Variants in CLIP4 observed in about 807,000 individuals in gnomAD.
CLIP4 encodes the protein CAP-Gly domain containing linker protein family member 4.
CLIP4 carries 47 observed loss-of-function variants against 73.1 expected under a neutral mutation model. The ratio of observed to expected loss-of-function variants is 0.64; its 90% CI spans 0.51 to 0.82. The LOEUF (loss-of-function observed/expected upper bound fraction) is 0.82, where lower values mean the gene tolerates loss of function less well. Ranked by LOEUF, CLIP4 falls within the 40% of genes least tolerant of loss-of-function variation. The probability of loss-of-function intolerance (pLI) is 0.00; values close to 1 mark genes in which losing one functional copy is unlikely to be tolerated. For synonymous variants in CLIP4, 306 were observed against 295.4 expected (o/e 1.04, Z -0.37); for missense variants, 874 against 852.9 (o/e 1.02, Z -0.31).
At chr2:29,154,798 A>G (rs1666809488) in intron 9 of CLIP4, among the ~76,000 whole-genome samples, 1 of 152,168 alleles carries the variant, frequency 6.6e-6, no homozygotes, top group Non-Finnish European at 1.5e-5. Context: ...TGCACAGCAC[A>G]TGAGACAAAT....
chr2:29,134,352 A>G (rs1169867600), intron 5 of CLIP4, among the ~76,000 whole-genome samples: 1 of 151,970 alleles, frequency 6.6e-6, no homozygotes, highest in Non-Finnish European at 1.5e-5. Flanking sequence ...TTGGGGCCCA[A>G]TTTTCTTTTC....
chr2:29,143,799 A>G lies in CLIP4; in HGVS notation c.739A>G (p.Ile247Val). The G allele has an allele frequency of 6.2e-7, 1 of 1,614,168 alleles. No homozygotes were observed. The highest frequency in any genetic ancestry group is 8.5e-7 in the Non-Finnish European group (1 of 1,179,982). Reference protein sequence around the residue: ...MADAAATAKEIKQMLLDAVPL... With the variant: ...MADAAATAKEVKQMLLDAVPL... ...TGACGCCGCAGCCACTGCTAAGGAA[A>G]TCAAGCAGATGCTTCTAGATGCGGT... The change falls in exon 7 of 16, where the codon ATC (isoleucine) becomes GTC (valine). Residue 247 changes from isoleucine to valine, a missense_variant. By Grantham distance (29) the Ile-to-Val change is conservative (BLOSUM62 3). Transcript: ENST00000320081.
At chr2:29,164,005 G>A in intron 13 of CLIP4, 51 bp downstream of exon 13, 1 of 1,459,466 alleles carries the variant, frequency 6.9e-7, no homozygotes, top group East Asian at 2.3e-5. Flanking sequence ...GTAATCTGCA[G>A]TGGTTAATAG....
chr2:29,181,349 G>A (rs1266148482), intron 15 of CLIP4, among the ~76,000 whole-genome samples: 1 of 152,146 alleles, frequency 6.6e-6, no homozygotes, highest in Non-Finnish European at 1.5e-5. Flanking sequence ...AGAAACTTCT[G>A]TGTATGCGTG....
upstream of CLIP4, among the ~76,000 whole-genome samples, chr2:29,111,267 T>G (rs1387337704): frequency 6.6e-6 from 1 of 152,266 alleles, no homozygotes; most frequent in African/African-American, 2.4e-5. Flanking sequence ...TCTGCCATGC[T>G]GGTGGGTGAA....
intron 15 of CLIP4, among the ~76,000 whole-genome samples, chr2:29,177,403 G>A (rs1454623348): frequency 4.9e-5 from 3 of 60,726 alleles, no homozygotes; most frequent in Non-Finnish European, 1.1e-4. Context: ...GTAAGACTCC[G>A]TCTCAAAAAA....
chr2:29,132,007 C>A, intron 3 of CLIP4, 145 bp from the exon 4 acceptor site: 1 of 555,212 alleles, frequency 1.8e-6, no homozygotes, highest in Non-Finnish European at 3.2e-6. Flanking sequence ...TAAAAATTTA[C>A]CCTTAAGATA....
intron 1 of CLIP4, among the ~76,000 whole-genome samples, chr2:29,109,249 T>G (rs1483373017): frequency 6.6e-6 from 1 of 152,244 alleles, no homozygotes; most frequent in East Asian, 1.9e-4. Flanking sequence ...GGCCAAAAAT[T>G]TGGGGGGTGG....
chr2:29,173,525 C>G (rs1321441347), intron 14 of CLIP4, among the ~76,000 whole-genome samples: 1 of 152,188 alleles, frequency 6.6e-6, no homozygotes, highest in East Asian at 1.9e-4. Flanking sequence ...AGCGGAAAGC[C>G]TGCTGGTATA....
intron 1 of CLIP4, among the ~76,000 whole-genome samples, chr2:29,118,804 GCCA>G (rs1361311165): frequency 1.3e-5 from 2 of 152,098 alleles, no homozygotes; most frequent in Non-Finnish European, 2.9e-5. Flanking sequence ...ACAGGTGTGA[GCCA>G]CCATGCCTGG....
chr2:29,109,412 T>G (rs1236590025), intron 1 of CLIP4, among the ~76,000 whole-genome samples: 3 of 152,222 alleles, frequency 2.0e-5, no homozygotes, highest in Non-Finnish European at 2.9e-5. Context: ...CATATATTCA[T>G]GAGGTACACA....
intron 15 of CLIP4, 49 bp from the exon 16 acceptor site, chr2:29,181,523 A>T: frequency 7.0e-7 from 1 of 1,434,478 alleles, no homozygotes; most frequent in Non-Finnish European, 9.5e-7. Context: ...GCATTGCATT[A>T]CGTGGCTTCA....
At chr2:29,168,856 T>G (rs549308302) in intron 14 of CLIP4, among the ~76,000 whole-genome samples, 61 of 152,300 alleles carry the variant, frequency 4.0e-4, no homozygotes, top group African/African-American at 1.4e-3. Context: ...TTTCTTAAAA[T>G]TGAAATTATG....
At chr2:29,136,188 G>GTTT (rs549028917) in intron 6 of CLIP4, among the ~76,000 whole-genome samples, 26 of 144,190 alleles carry the variant, frequency 1.8e-4, no homozygotes, top group Middle Eastern at 3.6e-3. Context: ...TGTTGTTGTT[G>GTTT]TTTTTTTTTT....
intron 8 of CLIP4, among the ~76,000 whole-genome samples, chr2:29,150,323 C>CTTTT (rs998074055): frequency 5.3e-5 from 8 of 152,312 alleles, no homozygotes; most frequent in Non-Finnish European, 8.8e-5. Context: ...CTACCCTTCT[C>CTTTT]TTTTAATCAT....
intron 1 of CLIP4, among the ~76,000 whole-genome samples, chr2:29,099,213 A>G (rs1185621418): frequency 6.6e-6 from 1 of 152,194 alleles, no homozygotes; most frequent in African/African-American, 2.4e-5. Flanking sequence ...ATGAAGTTCA[A>G]CTTGTCAGTT....
intron 6 of CLIP4, among the ~76,000 whole-genome samples, chr2:29,142,699 C>T (rs868437463): frequency 6.6e-6 from 1 of 152,138 alleles, no homozygotes; most frequent in Non-Finnish European, 1.5e-5. Flanking sequence ...CTAAAAGCCT[C>T]GTTCATTTTT....
At chr2:29,101,294 C>G (rs1430065646) in intron 1 of CLIP4, among the ~76,000 whole-genome samples, 8 of 145,262 alleles carry the variant, frequency 5.5e-5, no homozygotes, top group East Asian at 2.0e-4. Flanking sequence ...TTTCCCCCCC[C>G]CAAAACAAAA....
chr2:29,145,146 TC>T, intron 7 of CLIP4, 85 bp from the exon 8 acceptor site: 2 of 1,172,764 alleles, frequency 1.7e-6, no homozygotes, highest in South Asian at 1.7e-5. Context: ...TTTTAAAAAC[TC>T]CCATGGTGAA....
Sources: gnomAD v4.1 joint callset for allele counts (sites outside exome capture counted in the v4.1 genomes callset) on GRCh38, gnomAD v4.1.1 for gene constraint, MANE v1.5 for transcripts, NCBI Gene and HGNC (gene_info 2026-07-23, HGNC 2026-07-21) for gene names.